The following HELLS variants were observed in gnomAD, a reference collection of about 807,000 sequenced individuals.
HELLS encodes helicase, lymphoid specific.
HELLS carries 32 observed loss-of-function variants against 120.0 expected under a neutral mutation model. That is an observed-to-expected ratio of 0.27 (90% CI 0.20 to 0.36). HELLS has a LOEUF of 0.36. Ranked by LOEUF, HELLS falls within the 10% of genes least tolerant of loss-of-function variation. The probability of loss-of-function intolerance (pLI) is 1.00; values close to 1 mark genes in which losing one functional copy is unlikely to be tolerated. For synonymous variants in HELLS, 341 were observed against 323.4 expected (o/e 1.05, Z -0.58); for missense variants, 650 against 993.4 (o/e 0.65, Z 4.65).
At chr10:94,566,947 G>A (rs893897086) in intron 6 of HELLS, among the ~76,000 whole-genome samples, 1 of 152,114 alleles carries the variant, frequency 6.6e-6, no homozygotes, top group Non-Finnish European at 1.5e-5. Flanking sequence ...GAGCCACCAT[G>A]CCTGGTCCCA....
In HELLS at chr10:94,571,436, A is replaced by G; in HGVS notation, c.477+7A>G. 6.7e-7 allele frequency: 1 copy of G among 1,495,486 alleles called. No individual in the cohort carries two copies. The highest frequency in any genetic ancestry group is 1.8e-4 in the Middle Eastern group (1 of 5,684). The allele number at this position is 1,495,486 out of a possible 1,614,324, so 92.6% of individuals were successfully genotyped here. ...AAATAAAAAGGAGAATGAGGTAAGA[A>G]ATTTATAATGTAAGATTAAGTTTAG... is the stretch of plus-strand genomic sequence containing the variant. On this transcript the variant is annotated splice_region_variant and intron_variant, in intron 7 of 21. Transcript: ENST00000348459.
At chr10:94,572,748 T>C (rs1443903569) in intron 7 of HELLS, among the ~76,000 whole-genome samples, 1 of 151,978 alleles carries the variant, frequency 6.6e-6, no homozygotes, top group Non-Finnish European at 1.5e-5. Context: ...AAAGTACAGA[T>C]TTTCCCCCCC....
chr10:94,598,114 C>T (rs1845831628), intron 21 of HELLS, among the ~76,000 whole-genome samples: 1 of 151,476 alleles, frequency 6.6e-6, no homozygotes, highest in Non-Finnish European at 1.5e-5. Context: ...TTCATAATTT[C>T]CTAATTATTT....
chr10:94,550,931 G>A (rs944030795), intron 2 of HELLS: 4 of 151,998 alleles, frequency 2.6e-5, no homozygotes, highest in African/African-American at 9.7e-5. Context: ...AGGATTTAAG[G>A]TATCAACTAT....
chr10:94,600,219 A>G (rs77490249), intron 21 of HELLS, among the ~76,000 whole-genome samples: 3,337 of 151,874 alleles, frequency 0.022, 123 homozygotes, highest in African/African-American at 0.074. Flanking sequence ...AGAACCTGGC[A>G]GGTGGAGGTT....
intron 21 of HELLS, among the ~76,000 whole-genome samples, chr10:94,599,524 G>A (rs1845924348): frequency 6.6e-6 from 1 of 152,022 alleles, no homozygotes; most frequent in Non-Finnish European, 1.5e-5. Flanking sequence ...TGCTAATTTT[G>A]TTTTGTGTAT....
chr10:94,554,659 T>G (rs1439630428), intron 3 of HELLS, among the ~76,000 whole-genome samples: 3 of 150,816 alleles, frequency 2.0e-5, no homozygotes, highest in Admixed American at 1.3e-4. Context: ...TTTTTTTGTT[T>G]TTTTTTTTTT....
chr10:94,545,789 A>G lies in HELLS; in HGVS notation c.-133A>G. The G allele has an allele frequency of 1.0e-6, 1 of 993,566 alleles. No homozygotes were observed. Among genetic ancestry groups the G allele is most frequent in the Admixed American group, 2.0e-5 (1 of 50,222 alleles). The allele number at this position is 993,566 out of a possible 1,614,324, so 61.5% of individuals were successfully genotyped here. Reference sequence around the variant, plus strand: ...CGCGAGATGACAGGATTTTCCCGCGAAGGAGAAGCGCGCTTTTTTCCCTGG... The same window carrying G: ...CGCGAGATGACAGGATTTTCCCGCGGAGGAGAAGCGCGCTTTTTTCCCTGG... On this transcript the variant is annotated 5_prime_UTR_variant, in exon 1 of 22. Coordinates refer to ENST00000348459, the MANE Select transcript of HELLS (RefSeq NM_018063.5).
At chr10:94,549,870 G>T (rs1224732006) in intron 2 of HELLS, among the ~76,000 whole-genome samples, 3 of 152,114 alleles carry the variant, frequency 2.0e-5, no homozygotes, top group African/African-American at 7.2e-5. Flanking sequence ...AATATTAATT[G>T]TATATTATTT....
intron 4 of HELLS, among the ~76,000 whole-genome samples, chr10:94,562,202 A>G (rs1843592379): frequency 6.6e-6 from 1 of 152,044 alleles, no homozygotes; most frequent in Admixed American, 6.5e-5. Flanking sequence ...TCAGAAATTC[A>G]AGACTAGCTG....
intron 12 of HELLS, chr10:94,584,044 CA>C: frequency 8.9e-7 from 1 of 1,125,880 alleles, no homozygotes; most frequent in Non-Finnish European, 1.3e-6. Flanking sequence ...TCTTTGAAGG[CA>C]AATTGCCCTC....
At chr10:94,567,517 C>T (rs922431201) in intron 6 of HELLS, among the ~76,000 whole-genome samples, 8 of 152,082 alleles carry the variant, frequency 5.3e-5, no homozygotes, top group South Asian at 2.1e-4. Context: ...AGGCTGGTCT[C>T]GAACTCCCGA....
intron 2 of HELLS, among the ~76,000 whole-genome samples, chr10:94,553,175 T>G (rs561981428): frequency 6.6e-6 from 1 of 152,118 alleles, no homozygotes; most frequent in Non-Finnish European, 1.5e-5. Flanking sequence ...TAATCAAAAA[T>G]TTTCCTTATC....
In HELLS at chr10:94,554,360, T is replaced by G. The variant is rs1056428438; in HGVS notation, c.276+112T>G. On this transcript the variant is annotated intron_variant, in intron 3 of 21. Coordinates refer to ENST00000348459, the MANE Select transcript of HELLS (RefSeq NM_018063.5). The stretch of plus-strand genomic sequence containing the variant: ...GACAGATTTTAAGTGTACGGTTTGC[T>G]GAGTTTTGACTAGTAAATATATAGA... The G allele has an allele frequency of 1.1e-5, 8 of 742,932 alleles. No homozygotes were observed. In the African/African-American group the frequency reaches 1.3e-4, roughly 12 times the overall value. The allele number at this position is 742,932 out of a possible 1,614,324, so 46.0% of individuals were successfully genotyped here. A position where few individuals can be genotyped will look rare whatever the true frequency, so the allele number is the denominator to read the frequency against.
At chr10:94,551,915 A>G (rs761155571) in intron 2 of HELLS, among the ~76,000 whole-genome samples, 76 of 151,828 alleles carry the variant, frequency 5.0e-4, no homozygotes, top group Non-Finnish European at 2.4e-4. Flanking sequence ...AATTTTTTGT[A>G]TTTTTAGTAG....
At position 94,576,797 on chromosome 10, in the gene HELLS, G is replaced by A. The variant is rs1344897044; in HGVS notation, c.1024G>A (p.Ala342Thr). ...SFEIAMRDRN[A>T]LQHCYWKYLI... is the part of the protein sequence containing the mutation. ...TGAAATAGCCATGAGAGACCGAAAT[G>A]CGTTACAGGTACAAATGATCTTCAT... The change falls in exon 10 of 22, where the codon GCG (alanine) becomes ACG (threonine). Residue 342 changes from alanine (A) to threonine (T), a missense_variant. Coordinates refer to ENST00000348459, the MANE Select transcript of HELLS (RefSeq NM_018063.5). 1 of 1,604,672 alleles carries A rather than the reference G, an allele frequency of 6.2e-7. No individual in the cohort carries two copies. Among genetic ancestry groups the A allele is most frequent in the Admixed American group, 1.7e-5 (1 of 57,468 alleles).
chr10:94,592,287 C>T lies in HELLS; in HGVS notation c.1826C>T (p.Pro609Leu), dbSNP rs762107312. The T allele has an allele frequency of 6.2e-7, 1 of 1,610,764 alleles. No homozygotes were observed. Among genetic ancestry groups the T allele is most frequent in the South Asian group, 1.1e-5 (1 of 90,476 alleles). Reference protein sequence around the residue: ...GKFLILDRMLPELKKRGHKVL... With the variant: ...GKFLILDRMLLELKKRGHKVL... ...TTCTTGATTTTGGATCGAATGCTGCCAGAACTAAAAAAAAGAGGTCACAAG... is the reference window on the plus strand; with the variant it reads ...TTCTTGATTTTGGATCGAATGCTGCTAGAACTAAAAAAAAGAGGTCACAAG... Residue 609 changes from proline (P) to leucine (L), a missense_variant, in exon 16 of 22, where the codon CCA becomes CTA. By Grantham distance (98) the Pro-to-Leu change is moderately conservative. Coordinates refer to ENST00000348459, the MANE Select transcript of HELLS (RefSeq NM_018063.5).
intron 6 of HELLS, chr10:94,570,299 T>G (rs920404375): frequency 1.3e-5 from 2 of 152,194 alleles, no homozygotes; most frequent in Non-Finnish European, 2.9e-5. Context: ...TTATAGATTT[T>G]GATTTATTTC....
At position 94,576,968 on chromosome 10, in the gene HELLS, CAG is replaced by C. The variant is rs1844522156; in HGVS notation, c.1032+165_1032+166del. 4.8e-6 allele frequency: 3 copies of C among 618,920 alleles called. No homozygotes were observed. In the South Asian group the frequency reaches 6.5e-5, roughly 13 times the overall value. The allele number at this position is 618,920 out of a possible 1,614,324, so 38.3% of individuals were successfully genotyped here. A position where few individuals can be genotyped will look rare whatever the true frequency, so the allele number is the denominator to read the frequency against. ...TGTAGAAGCTGGAAACTTTTATTAA[CAG>C]AATGATTGGGATGAAGGCCATCATT... On this transcript the variant is annotated intron_variant, in intron 10 of 21. Transcript: ENST00000348459.
Sources: gnomAD v4.1 joint callset for allele counts (sites outside exome capture counted in the v4.1 genomes callset) on GRCh38, gnomAD v4.1.1 for gene constraint, MANE v1.5 for transcripts, NCBI Gene and HGNC (gene_info 2026-07-23, HGNC 2026-07-21) for gene names.